ITGB8: variants seen among roughly 807,000 people sequenced by gnomAD.
ITGB8 encodes the protein integrin subunit beta 8.
Under a neutral mutation model 89.5 loss-of-function variants are expected in ITGB8, and 30 were observed. The ratio of observed to expected loss-of-function variants is 0.34; its 90% confidence interval spans 0.25 to 0.45. The LOEUF is 0.45. Ranked by LOEUF, ITGB8 falls within the 20% of genes least tolerant of loss-of-function variation. ITGB8 has a pLI of 1.00. For missense variants in ITGB8, 836 were observed against 933.3 expected (o/e 0.90, Z 1.36); for synonymous variants, 335 against 320.4 (o/e 1.05, Z -0.49).
chr7:20,351,183 AG>A (rs1301340495), intron 1 of ITGB8, among the ~76,000 whole-genome samples: 1 of 152,242 alleles, frequency 6.6e-6, no homozygotes, highest in East Asian at 1.9e-4. Flanking sequence ...TGGAGGTACT[AG>A]GGATTATTGC....
chr7:20,375,359 C>CA (rs35472382), intron 3 of ITGB8, among the ~76,000 whole-genome samples: 34,966 of 144,592 alleles, frequency 0.24, 4,905 homozygotes, highest in Non-Finnish European at 0.33. Context: ...ATTCAAATTC[C>CA]AAAAAAAAAA....
intron 7 of ITGB8, among the ~76,000 whole-genome samples, chr7:20,392,134 C>T (rs1165816231): frequency 2.0e-5 from 3 of 152,148 alleles, no homozygotes; most frequent in African/African-American, 7.2e-5. Context: ...TGTTCCTCTG[C>T]AACCCTGTTA....
rs1016269201 is a variant in ITGB8, at chr7:20,415,007, T to C, written c.*5010T>C. The C allele has an allele frequency of 2.0e-5, 3 of 152,534 alleles. No individual in the cohort carries two copies. The highest frequency in any genetic ancestry group is 4.4e-5 in the Non-Finnish European group (3 of 67,964). The allele number at this position is 152,534 out of a possible 1,614,324, so 9.4% of individuals were successfully genotyped here. On this transcript the variant is annotated 3_prime_UTR_variant, in exon 14 of 14. Coordinates refer to ENST00000222573, the MANE Select transcript of ITGB8 (RefSeq NM_002214.3). ...AATATTTAAAAAAAAAACACTGCAA[T>C]TGTCAAGGATGGAAAATGTGTGATT...
At chr7:20,381,041 C>T in intron 5 of ITGB8, 2 of 474,384 alleles carry the variant, frequency 4.2e-6, no homozygotes, top group Non-Finnish European at 7.4e-6. Context: ...TAGGAAAAGA[C>T]AAAAGGGAAA....
chr7:20,364,200 CTTT>C (rs1331748601), intron 2 of ITGB8, among the ~76,000 whole-genome samples: 1 of 152,018 alleles, frequency 6.6e-6, no homozygotes, highest in Non-Finnish European at 1.5e-5. Flanking sequence ...GTGTTTTCTT[CTTT>C]TGTCAGTAAT....
chr7:20,382,017 G>C (rs1484308818), intron 6 of ITGB8, 132 bp downstream of exon 6: 8 of 730,388 alleles, frequency 1.1e-5, no homozygotes, highest in Non-Finnish European at 1.1e-5. Context: ...TAAGCCATGA[G>C]AGAGAATTTA....
At chr7:20,341,194 C>T (rs374232662) in intron 1 of ITGB8, among the ~76,000 whole-genome samples, 9 of 152,010 alleles carry the variant, frequency 5.9e-5, no homozygotes, top group African/African-American at 2.2e-4. Flanking sequence ...TGTTTTTGTG[C>T]ATTTGGTTTG....
chr7:20,409,988 C>T lies in ITGB8; in HGVS notation c.2301C>T (p.Cys767=), dbSNP rs1382143553. ...TAAATGCTCATGAAACTTTCAGGTG[C>T]AACTTCTAAAAAAAGATTTTTAAAC... ...SKLNAHETFR[C]NF is the part of the protein sequence containing the mutation. The change falls in exon 14 of 14, where the codon TGC becomes TGT. Residue 767 remains cysteine (C), a synonymous_variant. Transcript: ENST00000222573. 1 of 1,606,448 alleles carries T rather than the reference C, an allele frequency of 6.2e-7. No homozygotes were observed. Among genetic ancestry groups the T allele is most frequent in the Non-Finnish European group, 8.5e-7 (1 of 1,177,918 alleles).
At chr7:20,386,405 A>ATTTTT (rs759304002) in intron 6 of ITGB8, among the ~76,000 whole-genome samples, 10 of 80,348 alleles carry the variant, frequency 1.2e-4, no homozygotes, top group African/African-American at 4.9e-4. Flanking sequence ...CACCTGGCTA[A>ATTTTT]TTTTTTTTTT....
intron 1 of ITGB8, chr7:20,346,657 C>T (rs1017070909): frequency 3.1e-6 from 3 of 978,606 alleles, no homozygotes; most frequent in East Asian, 1.1e-4. Context: ...TTGACTCTAC[C>T]CCGTTTCCTG....
At chr7:20,354,507 G>T (rs140517633) in intron 1 of ITGB8, among the ~76,000 whole-genome samples, 1 of 152,126 alleles carries the variant, frequency 6.6e-6, no homozygotes, top group Non-Finnish European at 1.5e-5. Flanking sequence ...AGTAAGATTC[G>T]AGTAAGCTTT....
intron 1 of ITGB8, among the ~76,000 whole-genome samples, chr7:20,347,415 A>AT (rs1211234286): frequency 6.6e-6 from 1 of 152,220 alleles, no homozygotes; most frequent in Non-Finnish European, 1.5e-5. Context: ...GAACGTTGTT[A>AT]CATTAAAGCA....
chr7:20,412,756 T>A lies in ITGB8; in HGVS notation c.*2759T>A, dbSNP rs1035591562. The A allele has an allele frequency of 6.6e-6, 1 of 152,606 alleles. No individual in the cohort carries two copies. Among genetic ancestry groups the A allele is most frequent in the Non-Finnish European group, 1.5e-5 (1 of 68,018 alleles). The allele number at this position is 152,606 out of a possible 1,614,324, so 9.5% of individuals were successfully genotyped here. A position where few individuals can be genotyped will look rare whatever the true frequency, so the allele number is the denominator to read the frequency against. On this transcript the variant is annotated 3_prime_UTR_variant, in exon 14 of 14. Transcript: ENST00000222573. ...TATTTTACTTGAATAATTGATATCT[T>A]CCTGTGTAATGATTTGTGAGATGAG...
chr7:20,378,376 C>G (rs998852921), intron 3 of ITGB8, among the ~76,000 whole-genome samples: 7 of 152,196 alleles, frequency 4.6e-5, no homozygotes, highest in Non-Finnish European at 1.0e-4. Context: ...TGACCCCTAC[C>G]TTCCCCAGGT....
chr7:20,363,100 A>G (rs1368587114), intron 1 of ITGB8, among the ~76,000 whole-genome samples: 1 of 152,236 alleles, frequency 6.6e-6, no homozygotes, highest in African/African-American at 2.4e-5. Flanking sequence ...AGCCAAAATC[A>G]TCAATATTAA....
intron 1 of ITGB8, among the ~76,000 whole-genome samples, chr7:20,345,770 G>A (rs1472312840): frequency 1.3e-5 from 2 of 152,144 alleles, no homozygotes; most frequent in African/African-American, 4.8e-5. Context: ...TAGAGAAGTT[G>A]CAGTTACTGG....
intron 3 of ITGB8, among the ~76,000 whole-genome samples, chr7:20,374,331 T>C (rs909443198): frequency 7.2e-5 from 11 of 152,174 alleles, no homozygotes; most frequent in Non-Finnish European, 1.5e-4. Flanking sequence ...ATGTGCCAAC[T>C]ACAGAGGCTT....
At chr7:20,363,815 G>T in intron 2 of ITGB8, 93 bp downstream of exon 2, 1 of 626,562 alleles carries the variant, frequency 1.6e-6, no homozygotes, top group Non-Finnish European at 2.5e-6. Context: ...AGGTGCATCA[G>T]GAAAAATAAA....
intron 6 of ITGB8, among the ~76,000 whole-genome samples, chr7:20,385,019 G>A (rs532443322): frequency 2.0e-5 from 3 of 152,284 alleles, no homozygotes; most frequent in East Asian, 3.9e-4. Flanking sequence ...AATGGCAGAT[G>A]TTAATACAAA....
Sources: gnomAD v4.1 joint callset for allele counts (sites outside exome capture counted in the v4.1 genomes callset) on GRCh38, gnomAD v4.1.1 for gene constraint, MANE v1.5 for transcripts, NCBI Gene and HGNC (gene_info 2026-07-23, HGNC 2026-07-21) for gene names.